BCL2L10: variants seen among roughly 807,000 people sequenced by gnomAD.
BCL2L10 encodes BCL2 like 10, also known as bcl-2-like protein 10.
Under a neutral mutation model 11.1 loss-of-function variants are expected in BCL2L10, and 14 were observed. That is an observed-to-expected ratio of 1.26 (90% CI 0.83 to 1.96). The LOEUF (loss-of-function observed/expected upper bound fraction) is 1.96. BCL2L10 is among the 30% of genes most tolerant of loss of function. The pLI, the probability that BCL2L10 is intolerant of heterozygous loss-of-function variation, is 0.00. For synonymous variants in BCL2L10, 154 were observed against 133.4 expected (o/e 1.15, Z -1.07); for missense variants, 309 against 273.9 (o/e 1.13, Z -0.90).
rs71130130 is a variant in BCL2L10, at chr15:52,111,173, A to AACACACACACACACACACACACACACAC, written c.489+1037_489+1064dup. Among the ~76,000 whole-genome samples, 288 of 121,776 alleles carry AACACACACACACACACACACACACACAC rather than the reference A, an allele frequency of 2.4e-3. 3 individuals carry two copies. Among genetic ancestry groups the AACACACACACACACACACACACACACAC allele is most frequent in the Admixed American group, 4.7e-3 (54 of 11,566 alleles). The allele number at this position is 121,776 out of a possible 152,430, so 79.9% of individuals were successfully genotyped here. A position where few individuals can be genotyped will look rare whatever the true frequency, so the allele number is the denominator to read the frequency against. ...ATGGTGAAAGCCCATCTCTACTGAA[A>AACACACACACACACACACACACACACAC]ACACACACACACACACACACACACA... On this transcript the variant is annotated intron_variant, in intron 1 of 1. Transcript: ENST00000260442.
chr15:52,110,028 C>A, intron 1 of BCL2L10, 55 bp from the exon 2 acceptor site: 2 of 1,492,944 alleles, frequency 1.3e-6, no homozygotes, highest in South Asian at 2.5e-5. Context: ...GAACCTCACT[C>A]AAAACACGCA....
chr15:52,112,226 C>T lies in BCL2L10; in HGVS notation c.489+12G>A. 1 of 1,482,712 alleles carries T rather than the reference C, an allele frequency of 6.7e-7. No homozygotes were observed. Among genetic ancestry groups the T allele is most frequent in the Non-Finnish European group, 8.9e-7 (1 of 1,121,388 alleles). 91.8% of individuals were successfully genotyped at this position (1,482,712 alleles called of 1,614,324 possible). ...GTCCCGCCCCGTGTCCCGGTGTCCG[C>T]CGCGTGCTCACCCAGCCGCCCTGAG... On this transcript the variant is annotated intron_variant, in intron 1 of 1. Coordinates refer to ENST00000260442, the MANE Select transcript of BCL2L10 (RefSeq NM_020396.4).
At position 52,110,797 on chromosome 15, in the gene BCL2L10, C is replaced by CA. The variant is rs1326343678; in HGVS notation, c.490-825dup. Among the ~76,000 whole-genome samples the CA allele has an allele frequency of 2.2e-4, 33 of 152,094 alleles. No individual in the cohort carries two copies. In the South Asian group the frequency reaches 2.9e-3, roughly 13 times the overall value. ...ATCAACAGTGATTAGCCAAAAACAA[C>CA]AAAAAAAGGCTTCAACGGCCCCTTT... On this transcript the variant is annotated intron_variant, in intron 1 of 1. Coordinates refer to ENST00000260442, the MANE Select transcript of BCL2L10 (RefSeq NM_020396.4).
chr15:52,109,639 G>A lies in BCL2L10; in HGVS notation c.*209C>T. On this transcript the variant is annotated 3_prime_UTR_variant, in exon 2 of 2. Transcript: ENST00000260442. ...AGACTCCCCATTTCTTTCACTCAAG[G>A]AAGAGCCATTTGCATTCTTGTCCTC... 1 of 568,606 alleles carries A rather than the reference G, an allele frequency of 1.8e-6. No homozygotes were observed. The highest frequency in any genetic ancestry group is 3.0e-6 in the Non-Finnish European group (1 of 335,536). 35.2% of individuals were successfully genotyped at this position (568,606 alleles called of 1,614,324 possible). A position where few individuals can be genotyped will look rare whatever the true frequency, so the allele number is the denominator to read the frequency against.
Position 52,109,351 on chromosome 15 carries a change from C to T in BCL2L10, c.*497G>A, listed in dbSNP as rs1243294545. 6.6e-6 allele frequency: 1 copy of T among 152,230 alleles called. No individual in the cohort carries two copies. The highest frequency in any genetic ancestry group is 2.4e-5 in the African/African-American group (1 of 41,402). The allele number at this position is 152,230 out of a possible 1,614,324, so 9.4% of individuals were successfully genotyped here. On this transcript the variant is annotated 3_prime_UTR_variant, in exon 2 of 2. Transcript: ENST00000260442. Reference sequence around the variant, plus strand: ...GTTAACTATAAAAACCTAGAAGTCCCAGGAATTAGATTTCAAAGGATTTGG... The same window carrying T: ...GTTAACTATAAAAACCTAGAAGTCCTAGGAATTAGATTTCAAAGGATTTGG...
At position 52,109,543 on chromosome 15, in the gene BCL2L10, G is replaced by A. The variant is rs937809682; in HGVS notation, c.*305C>T. 1.2e-5 allele frequency: 3 copies of A among 253,514 alleles called. No individual in the cohort carries two copies. The highest frequency in any genetic ancestry group is 4.4e-5 in the African/African-American group (2 of 45,036). The allele number at this position is 253,514 out of a possible 1,614,324, so 15.7% of individuals were successfully genotyped here. On this transcript the variant is annotated 3_prime_UTR_variant, in exon 2 of 2. Coordinates refer to ENST00000260442, the MANE Select transcript of BCL2L10 (RefSeq NM_020396.4). ...GGTTCGCACTCTTATCCAAGTTTTAGCAAATAGCACTGTATTTCCCATTTA... is the reference window on the plus strand; with the variant it reads ...GGTTCGCACTCTTATCCAAGTTTTAACAAATAGCACTGTATTTCCCATTTA...
chr15:52,112,289 G>T lies in BCL2L10; in HGVS notation c.438C>A (p.Ser146Arg). 1 of 1,557,060 alleles carries T rather than the reference G, an allele frequency of 6.4e-7. No individual in the cohort carries two copies. Reference sequence around the variant, plus strand: ...CGCGGTGCTGCCCCATGAGCCGCGAGCTCAGCAAGGCCACCAGGCGCTGGC... The same window carrying T: ...CGCGGTGCTGCCCCATGAGCCGCGATCTCAGCAAGGCCACCAGGCGCTGGC... ...RDCQRLVALL[S>R]SRLMGQHRAW... Residue 146 changes from serine (S) to arginine (R), a missense_variant, in exon 1 of 2, where the codon AGC (serine) becomes AGA (arginine). Physicochemically the swap from Ser to Arg is moderately radical, Grantham distance 110. Coordinates refer to ENST00000260442, the MANE Select transcript of BCL2L10 (RefSeq NM_020396.4).
intron 1 of BCL2L10, among the ~76,000 whole-genome samples, chr15:52,111,831 G>A (rs1170719571): frequency 6.6e-6 from 1 of 152,198 alleles, no homozygotes; most frequent in Non-Finnish European, 1.5e-5. Flanking sequence ...CATTTAATAG[G>A]CGAAGGAGAA....
At chr15:52,110,162 G>A (rs1448214508) in intron 1 of BCL2L10, among the ~76,000 whole-genome samples, 189 bp from the exon 2 acceptor site, 1 of 152,224 alleles carries the variant, frequency 6.6e-6, no homozygotes, top group African/African-American at 2.4e-5. Context: ...AAGTCTAACA[G>A]AGTGAACAGA....
Position 52,112,710 on chromosome 15 carries a change from C to T in BCL2L10, c.17G>A (p.Arg6Gln), listed in dbSNP as rs959957937. 1 of 1,535,982 alleles carries T rather than the reference C, an allele frequency of 6.5e-7. No homozygotes were observed. Among genetic ancestry groups the T allele is most frequent in the Non-Finnish European group, 8.7e-7 (1 of 1,147,110 alleles). ...CGGGTCGGCCATGGTGGTGCGCTCC[C>T]GCAACTGGTCAACCATGGTCCGGCC... MVDQLRERTTMADPLR... is the reference protein window; with the variant it reads MVDQLQERTTMADPLR... The change falls in exon 1 of 2, where the codon CGG (arginine) becomes CAG (glutamine). Residue 6 changes from arginine (R) to glutamine (Q), a missense_variant. Physicochemically the swap from Arg to Gln is conservative, Grantham distance 43 (BLOSUM62 1). Coordinates refer to ENST00000260442, the MANE Select transcript of BCL2L10 (RefSeq NM_020396.4).
At chr15:52,112,100 C>T (rs2033064808) in intron 1 of BCL2L10, 138 bp downstream of exon 1, 1 of 1,376,110 alleles carries the variant, frequency 7.3e-7, no homozygotes, top group Non-Finnish European at 9.4e-7. Context: ...CGTTCCAGGC[C>T]CGCTGAAACG....
At position 52,112,690 on chromosome 15, in the gene BCL2L10, C is replaced by T. The variant is rs1038445053; in HGVS notation, c.37G>A (p.Asp13Asn). Residue 13 changes from aspartate (D) to asparagine (N), a missense_variant, in exon 1 of 2, where the codon GAC becomes AAC. Physicochemically the swap from Asp to Asn is conservative, Grantham distance 23. Coordinates refer to ENST00000260442, the MANE Select transcript of BCL2L10 (RefSeq NM_020396.4). ...AGCTCGGTGCGCTCCCGCAGCGGGT[C>T]GGCCATGGTGGTGCGCTCCCGCAAC... ...DQLRERTTMADPLRERTELLL... is the reference protein window; with the variant it reads ...DQLRERTTMANPLRERTELLL... The T allele has an allele frequency of 1.3e-6, 2 of 1,538,852 alleles. No individual in the cohort carries two copies. The highest frequency in any genetic ancestry group is 2.4e-5 in the East Asian group (1 of 41,030).
At chr15:52,110,088 A>C (rs1338675353) in intron 1 of BCL2L10, 115 bp from the exon 2 acceptor site, 3 of 1,088,824 alleles carry the variant, frequency 2.8e-6, no homozygotes, top group Non-Finnish European at 3.9e-6. Flanking sequence ...AAAAAGTAAA[A>C]GGAAAGGAAA....
chr15:52,109,504 G>A lies in BCL2L10; in HGVS notation c.*344C>T. 5.3e-6 allele frequency: 1 copy of A among 187,324 alleles called. No individual in the cohort carries two copies. Among genetic ancestry groups the A allele is most frequent in the Non-Finnish European group, 1.1e-5 (1 of 91,852 alleles). 11.6% of individuals were successfully genotyped at this position (187,324 alleles called of 1,614,324 possible). On this transcript the variant is annotated 3_prime_UTR_variant, in exon 2 of 2. Coordinates refer to ENST00000260442, the MANE Select transcript of BCL2L10 (RefSeq NM_020396.4). ...AAATTAGTCAGCAGCACATGAAGTT[G>A]TGGAGAGATGAGAGGTTCGCACTCT... is the stretch of plus-strand genomic sequence containing the variant.
rs142737063 is a variant in BCL2L10, at chr15:52,109,944, G to T, written c.519C>A (p.Pro173=). 2.9e-5 allele frequency: 47 copies of T among 1,613,304 alleles called. No homozygotes were observed. The highest frequency in any genetic ancestry group is 4.0e-5 in the African/African-American group (3 of 74,900). The stretch of plus-strand genomic sequence containing the variant: ...GTTTTCTCCAAAAAGCCAGTGGAAA[G>T]GGGGTCCTGAAGAAGTGACAAAAGC... ...WDGFCHFFRT[P]FPLAFWRKQL... Residue 173 remains proline (P), a synonymous_variant, in exon 2 of 2, where the codon CCC becomes CCA. Coordinates refer to ENST00000260442, the MANE Select transcript of BCL2L10 (RefSeq NM_020396.4).
Position 52,109,461 on chromosome 15 carries a change from C to A in BCL2L10, c.*387G>T. 6.1e-6 allele frequency: 1 copy of A among 163,538 alleles called. No homozygotes were observed. The highest frequency in any genetic ancestry group is 1.3e-5 in the Non-Finnish European group (1 of 75,952). The allele number at this position is 163,538 out of a possible 1,614,324, so 10.1% of individuals were successfully genotyped here. ...TTCTACTTTGGGGATTATTTTGCCC[C>A]AGCTGTGGCCATGTTTAAAATTAGT... On this transcript the variant is annotated 3_prime_UTR_variant, in exon 2 of 2. Transcript: ENST00000260442.
chr15:52,110,963 T>A (rs1439639603), intron 1 of BCL2L10, among the ~76,000 whole-genome samples: 1 of 152,026 alleles, frequency 6.6e-6, no homozygotes, highest in Non-Finnish European at 1.5e-5. Flanking sequence ...ACTAACATTA[T>A]GAACAAGGCA....
At position 52,109,847 on chromosome 15, in the gene BCL2L10, C is replaced by T. The variant is rs1437048124; in HGVS notation, c.*1G>A. The T allele has an allele frequency of 5.0e-6, 8 of 1,613,582 alleles. No individual in the cohort carries two copies. The East Asian group carries it at 6.7e-5, about 13-fold the overall frequency. On this transcript the variant is annotated 3_prime_UTR_variant, in exon 2 of 2. Coordinates refer to ENST00000260442, the MANE Select transcript of BCL2L10 (RefSeq NM_020396.4). ...TAGAAGCGGGTTAAAAGTTTTAAAA[C>T]TCATAATAATCGTGTCCAGAGATAA...
intron 1 of BCL2L10, among the ~76,000 whole-genome samples, chr15:52,110,806 G>C (rs959391376): frequency 5.3e-5 from 8 of 152,124 alleles, no homozygotes; most frequent in African/African-American, 1.9e-4. Flanking sequence ...ACAAAAAAAG[G>C]CTTCAACGGC....
Sources: allele counts gnomAD v4.1 joint callset (sites outside exome capture counted in the v4.1 genomes callset), GRCh38; gene constraint gnomAD v4.1.1; transcripts MANE v1.5; gene names NCBI Gene and HGNC (gene_info 2026-07-23, HGNC 2026-07-21).